CHRM3: variants seen among roughly 807,000 people sequenced by gnomAD.
CHRM3 encodes the protein cholinergic receptor muscarinic 3, also known as muscarinic acetylcholine receptor M3.
Under a neutral mutation model 41.8 loss-of-function variants are expected in CHRM3, and 11 were observed. The observed-to-expected ratio is 0.26, with a 90% confidence interval of 0.17 to 0.44. The LOEUF (loss-of-function observed/expected upper bound fraction) is 0.44. Ranked by LOEUF, CHRM3 falls within the 20% of genes least tolerant of loss-of-function variation. The pLI, the probability that CHRM3 is intolerant of heterozygous loss-of-function variation, is 1.00. For synonymous variants in CHRM3, 297 were observed against 301.4 expected, an observed-to-expected ratio of 0.99 and a Z score of 0.15; for missense variants, 571 against 745.4, an observed-to-expected ratio of 0.77 and a Z score of 2.72.
At chr1:239,504,926 G>A (rs753153016) in intron 2 of CHRM3, among the ~76,000 whole-genome samples, 2 of 151,974 alleles carry the variant, frequency 1.3e-5, no homozygotes, top group African/African-American at 2.4e-5. Context: ...GGGTGGGAAG[G>A]GGGCAAGGGA....
chr1:239,694,234 C>T (rs1369759046), intron 5 of CHRM3, among the ~76,000 whole-genome samples: 1 of 152,172 alleles, frequency 6.6e-6, no homozygotes, highest in African/African-American at 2.4e-5. Context: ...ATGATCGATA[C>T]AAACCTAAAA....
chr1:239,853,533 A>G (rs1674868297), intron 6 of CHRM3, among the ~76,000 whole-genome samples: 2 of 152,118 alleles, frequency 1.3e-5, no homozygotes, highest in African/African-American at 4.8e-5. Context: ...CTAAGTTCCA[A>G]TATTATAAGA....
rs1255126981 is a variant in CHRM3 at position 239,909,846 on chromosome 1, T to TA, written c.*623dup. On this transcript the variant is annotated 3_prime_UTR_variant, in exon 7 of 7. Coordinates refer to ENST00000676153, the MANE Select transcript of CHRM3 (RefSeq NM_001375978.1). ...ACAAATAAAAATACTTAAGTATATA[T>TA]ATATGTGTGAGTTCTGCACGCACAC... is the stretch of plus-strand genomic sequence containing the variant. 1 of 167,294 alleles carries TA rather than the reference T, an allele frequency of 6.0e-6. No homozygotes were observed. Among genetic ancestry groups the TA allele is most frequent in the Non-Finnish European group, 1.5e-5 (1 of 68,300 alleles). 10.4% of individuals were successfully genotyped at this position (167,294 alleles called of 1,614,324 possible). A position where few individuals can be genotyped will look rare whatever the true frequency, so the allele number is the denominator to read the frequency against.
chr1:239,808,218 C>T (rs549539013), intron 5 of CHRM3, among the ~76,000 whole-genome samples: 49 of 152,218 alleles, frequency 3.2e-4, no homozygotes, highest in South Asian at 1.9e-3. Flanking sequence ...TGTGACAAGT[C>T]GTAGCTGAAG....
At chr1:239,743,960 A>G (rs1572157780) in intron 5 of CHRM3, among the ~76,000 whole-genome samples, 1 of 146,396 alleles carries the variant, frequency 6.8e-6, no homozygotes, top group East Asian at 2.0e-4. Flanking sequence ...ATGCCCGGCT[A>G]ATTTTTTTTT....
intron 3 of CHRM3, among the ~76,000 whole-genome samples, chr1:239,602,110 G>GTGTGTGTGTATATATATA (rs1307023039): frequency 5.3e-5 from 6 of 112,842 alleles, no homozygotes; most frequent in African/African-American, 1.7e-4. Flanking sequence ...GTGTGTGTGT[G>GTGTGTGTGTATATATATA]TATATATATA....
At chr1:239,553,665 G>A (rs753568221) in intron 3 of CHRM3, among the ~76,000 whole-genome samples, 10 of 152,164 alleles carry the variant, frequency 6.6e-5, no homozygotes, top group South Asian at 4.1e-4. Flanking sequence ...ATCCCATCCC[G>A]CTCCCATCAA....
At chr1:239,840,379 G>A (rs1361964549) in intron 6 of CHRM3, among the ~76,000 whole-genome samples, 3 of 152,174 alleles carry the variant, frequency 2.0e-5, no homozygotes, top group African/African-American at 4.8e-5. Flanking sequence ...TACTTCACAC[G>A]GCATTGATTT....
intron 1 of CHRM3, chr1:239,408,122 G>A (rs565252150): frequency 3.3e-5 from 5 of 152,108 alleles, no homozygotes; most frequent in African/African-American, 4.8e-5. Flanking sequence ...TGCTGTTCTC[G>A]TAATAGTGAG....
chr1:239,899,276 A>AGTGTGTGTGTGTGTGT (rs71168861), intron 6 of CHRM3, among the ~76,000 whole-genome samples: 2 of 134,598 alleles, frequency 1.5e-5, no homozygotes, highest in African/African-American at 6.1e-5. Flanking sequence ...TTTTGAACTC[A>AGTGTGTGTGTGTGTGT]GTGTGTGTGT....
intron 2 of CHRM3, among the ~76,000 whole-genome samples, chr1:239,532,371 T>C (rs1251407855): frequency 7.0e-6 from 1 of 142,306 alleles, no homozygotes; most frequent in East Asian, 2.5e-4. Flanking sequence ...CTCACGCCTG[T>C]AATCCCAGCA....
intron 1 of CHRM3, among the ~76,000 whole-genome samples, chr1:239,439,626 T>C (rs1663549648): frequency 6.6e-6 from 1 of 152,150 alleles, no homozygotes; most frequent in Non-Finnish European, 1.5e-5. Context: ...ACCAATCTAC[T>C]ACAAAAAACT....
intron 3 of CHRM3, among the ~76,000 whole-genome samples, chr1:239,595,529 G>A (rs577248442): frequency 6.6e-6 from 1 of 152,056 alleles, no homozygotes; most frequent in African/African-American, 2.4e-5. Context: ...TAAGTATTTG[G>A]AAATGATGTA....
At chr1:239,576,381 T>C (rs1320737077) in intron 3 of CHRM3, among the ~76,000 whole-genome samples, 1 of 152,090 alleles carries the variant, frequency 6.6e-6, no homozygotes, top group Non-Finnish European at 1.5e-5. Context: ...ATTAGCATGA[T>C]TCTTACTGAA....
chr1:239,483,694 T>G (rs1460044649), intron 1 of CHRM3, among the ~76,000 whole-genome samples: 1 of 152,236 alleles, frequency 6.6e-6, no homozygotes, highest in Admixed American at 6.5e-5. Context: ...AAAAATTATT[T>G]GAGCACCTCA....
At chr1:239,547,761 G>A (rs1241936735) in intron 3 of CHRM3, among the ~76,000 whole-genome samples, 3 of 152,046 alleles carry the variant, frequency 2.0e-5, no homozygotes, top group South Asian at 4.2e-4. Context: ...TATATTTAAA[G>A]GACTTTCATA....
chr1:239,604,340 A>C (rs1160942663), intron 3 of CHRM3, among the ~76,000 whole-genome samples: 2 of 152,102 alleles, frequency 1.3e-5, no homozygotes, highest in East Asian at 3.9e-4. Context: ...CTCTAAATAC[A>C]ACTTAGAGTA....
intron 5 of CHRM3, among the ~76,000 whole-genome samples, chr1:239,788,744 C>T (rs140530458): frequency 0.013 from 2,035 of 151,964 alleles, 48 homozygotes; most frequent in African/African-American, 0.048. Flanking sequence ...CCAGCCTGGG[C>T]GACAGAGTGA....
chr1:239,721,186 C>T (rs1038525958), intron 5 of CHRM3, among the ~76,000 whole-genome samples: 4 of 151,620 alleles, frequency 2.6e-5, no homozygotes, highest in Non-Finnish European at 4.4e-5. Context: ...AAAAGTGATA[C>T]GATAAAAGAG....
Sources: gnomAD v4.1 joint callset for allele counts (sites outside exome capture counted in the v4.1 genomes callset) on GRCh38, gnomAD v4.1.1 for gene constraint, MANE v1.5 for transcripts, NCBI Gene and HGNC (gene_info 2026-07-23, HGNC 2026-07-21) for gene names.